The following JAZF1 variants were observed in gnomAD, a reference collection of about 807,000 sequenced individuals.
The protein encoded by JAZF1 is juxtaposed with another zinc finger protein 1.
JAZF1 carries 8 observed loss-of-function variants against 26.4 expected under a neutral mutation model. That is an observed-to-expected ratio of 0.30 (90% CI 0.18 to 0.55). The LOEUF (loss-of-function observed/expected upper bound fraction) is 0.55, where lower values mean the gene tolerates loss of function less well. Ranked by LOEUF, JAZF1 falls within the 20% of genes least tolerant of loss-of-function variation. JAZF1 has a pLI of 0.94. For synonymous variants in JAZF1, 126 were observed against 122.3 expected, an observed-to-expected ratio of 1.03 and a Z score of -0.20; for missense variants, 199 against 322.0, an observed-to-expected ratio of 0.62 and a Z score of 2.92.
chr7:28,140,073 A>G (rs543138829), intron 1 of JAZF1, among the ~76,000 whole-genome samples: 2 of 140,958 alleles, frequency 1.4e-5, no homozygotes, highest in South Asian at 4.6e-4. Context: ...AAAAGTTGAA[A>G]GTCACAAATC....
intron 1 of JAZF1, among the ~76,000 whole-genome samples, chr7:28,109,218 C>G (rs542357831): frequency 6.6e-6 from 1 of 152,190 alleles, no homozygotes; most frequent in East Asian, 1.9e-4. Context: ...ATGTTTTCAC[C>G]ACACACACAA....
intron 1 of JAZF1, among the ~76,000 whole-genome samples, chr7:28,017,735 A>G (rs1401672444): frequency 2.0e-5 from 3 of 152,208 alleles, no homozygotes; most frequent in Non-Finnish European, 4.4e-5. Flanking sequence ...GAAAAAGACC[A>G]GCAAATGATA....
chr7:27,991,766 C>T (rs1785908895), intron 2 of JAZF1, 143 bp downstream of exon 2: 2 of 587,550 alleles, frequency 3.4e-6, no homozygotes, highest in Non-Finnish European at 6.0e-6. Flanking sequence ...CAAGAGCATT[C>T]CATATACAGG....
intron 1 of JAZF1, chr7:28,180,176 C>G (rs1401434691): frequency 6.9e-6 from 1 of 145,040 alleles, no homozygotes; most frequent in Non-Finnish European, 1.5e-5. Flanking sequence ...CGGCGCTCCC[C>G]GCTCCCACCA....
chr7:28,091,254 AC>A lies in JAZF1; in HGVS notation c.115+89208del, dbSNP rs1280795062. 2.6e-5 allele frequency among the ~76,000 whole-genome samples: 4 copies of A among 152,154 alleles called. No individual in the cohort carries two copies. The East Asian group carries it at 7.7e-4, about 29-fold the overall frequency. On this transcript the variant is annotated intron_variant, in intron 1 of 4. Coordinates refer to ENST00000283928, the MANE Select transcript of JAZF1 (RefSeq NM_175061.4). ...GATGCACTTTCTTCTGTCAACCTGAACTTCAATTTTTTATTATGTCTCAACT... is the reference window on the plus strand; with the variant it reads ...GATGCACTTTCTTCTGTCAACCTGAATTCAATTTTTTATTATGTCTCAACT...
intron 1 of JAZF1, among the ~76,000 whole-genome samples, chr7:28,105,804 G>GA (rs1784542434): frequency 1.3e-5 from 2 of 152,180 alleles, no homozygotes; most frequent in Admixed American, 1.3e-4. Context: ...AGCGGCTACA[G>GA]AAAAAGCTTT....
intron 2 of JAZF1, among the ~76,000 whole-genome samples, chr7:27,986,735 C>T (rs1454353362): frequency 4.0e-5 from 6 of 150,664 alleles, no homozygotes; most frequent in Admixed American, 1.3e-4. Flanking sequence ...GCTGCCATCT[C>T]GGCTCACTGC....
intron 3 of JAZF1, among the ~76,000 whole-genome samples, chr7:27,881,620 T>C (rs1407906207): frequency 1.3e-5 from 2 of 152,122 alleles, no homozygotes; most frequent in Non-Finnish European, 2.9e-5. Flanking sequence ...CTGCTCAAGA[T>C]ATGGGAGTCA....
At chr7:27,852,061 G>A (rs62451077) in intron 3 of JAZF1, among the ~76,000 whole-genome samples, 29,975 of 151,476 alleles carry the variant, frequency 0.2, 3,971 homozygotes, top group East Asian at 0.48. Flanking sequence ...TGATTCAAAA[G>A]TGAGCCTGTG....
chr7:27,998,481 A>T (rs1786067840), intron 1 of JAZF1, among the ~76,000 whole-genome samples: 1 of 152,164 alleles, frequency 6.6e-6, no homozygotes, highest in African/African-American at 2.4e-5. Context: ...TAAAAAAAAA[A>T]TTGTACAATT....
At chr7:28,009,376 G>A (rs1782759119) in intron 1 of JAZF1, among the ~76,000 whole-genome samples, 1 of 151,916 alleles carries the variant, frequency 6.6e-6, no homozygotes, top group Non-Finnish European at 1.5e-5. Context: ...CTCACAGTAA[G>A]ACATACATTT....
intron 1 of JAZF1, among the ~76,000 whole-genome samples, chr7:28,141,908 A>C (rs1467912587): frequency 1.3e-5 from 2 of 152,144 alleles, no homozygotes; most frequent in African/African-American, 4.8e-5. Flanking sequence ...GTCAATATTA[A>C]TATATAACCT....
chr7:28,091,449 T>C (rs1363875679), intron 1 of JAZF1, among the ~76,000 whole-genome samples: 3 of 151,860 alleles, frequency 2.0e-5, no homozygotes, highest in African/African-American at 7.2e-5. Flanking sequence ...TTAAAATAGT[T>C]TAGATTTTTT....
At chr7:27,898,176 C>T (rs999541622) in intron 2 of JAZF1, among the ~76,000 whole-genome samples, 1 of 151,740 alleles carries the variant, frequency 6.6e-6, no homozygotes, top group African/African-American at 2.4e-5. Flanking sequence ...GCAGAAATTC[C>T]GTTTGTGGAA....
intron 3 of JAZF1, among the ~76,000 whole-genome samples, chr7:27,889,697 T>C (rs62451083): frequency 0.33 from 50,785 of 151,868 alleles, 8,938 homozygotes; most frequent in East Asian, 0.52. Flanking sequence ...CTTGGGAGGC[T>C]GAGGCAGGAG....
chr7:27,913,887 C>T lies in JAZF1; in HGVS notation c.189-18471G>A, dbSNP rs139459376. Among the ~76,000 whole-genome samples the T allele has an allele frequency of 9.2e-4, 140 of 152,250 alleles. 1 individual carries two copies. Among genetic ancestry groups the T allele is most frequent in the African/African-American group, 2.1e-3 (89 of 41,544 alleles). ...AGCTTTACCACGTGCTAGTTATATG[C>T]CTGTGATAAGCTTTTAACCTCTCTG... On this transcript the variant is annotated intron_variant, in intron 2 of 4. Coordinates refer to ENST00000283928, the MANE Select transcript of JAZF1 (RefSeq NM_175061.4).
chr7:27,851,505 T>C (rs1783149885), intron 3 of JAZF1, among the ~76,000 whole-genome samples: 1 of 151,986 alleles, frequency 6.6e-6, no homozygotes, highest in Non-Finnish European at 1.5e-5. Context: ...ATTAAAAAAT[T>C]AGCTGGGTGT....
chr7:27,983,038 C>T (rs1666359277), intron 2 of JAZF1, among the ~76,000 whole-genome samples: 1 of 152,230 alleles, frequency 6.6e-6, no homozygotes, highest in African/African-American at 2.4e-5. Context: ...AGCTCCTCTT[C>T]TCCTTCAAAG....
chr7:27,970,810 C>T (rs988154076), intron 2 of JAZF1, among the ~76,000 whole-genome samples: 3 of 152,180 alleles, frequency 2.0e-5, no homozygotes, highest in African/African-American at 7.2e-5. Context: ...TGGAATCTTA[C>T]ATATTTTAGT....
Sources: gnomAD v4.1 joint callset for allele counts (sites outside exome capture counted in the v4.1 genomes callset) on GRCh38, gnomAD v4.1.1 for gene constraint, MANE v1.5 for transcripts, NCBI Gene and HGNC (gene_info 2026-07-23, HGNC 2026-07-21) for gene names.